SORCS1: variants seen among roughly 807,000 people sequenced by gnomAD.
SORCS1 encodes the protein VPS10 domain-containing receptor SorCS1.
A neutral mutation model predicts 146.1 loss-of-function variants in SORCS1; 60 were observed. That is an observed-to-expected ratio of 0.41 (90% confidence interval 0.33 to 0.51). The LOEUF (loss-of-function observed/expected upper bound fraction) is 0.51, where lower values mean the gene tolerates loss of function less well. Ranked by LOEUF, SORCS1 falls within the 20% of genes least tolerant of loss-of-function variation. SORCS1 has a pLI of 0.21. For synonymous variants in SORCS1, 637 were observed against 584.0 expected (o/e 1.09, Z -1.31); for missense variants, 1,352 against 1,487.6 (o/e 0.91, Z 1.50).
chr10:106,957,870 T>C (rs980770395), intron 1 of SORCS1, among the ~76,000 whole-genome samples: 2 of 152,136 alleles, frequency 1.3e-5, no homozygotes, highest in African/African-American at 4.8e-5. Context: ...ATTAAACATT[T>C]ATTAGGAGCC....
At chr10:106,664,820 T>TA (rs921622259) in intron 17 of SORCS1, among the ~76,000 whole-genome samples, 57 of 148,286 alleles carry the variant, frequency 3.8e-4, no homozygotes, top group East Asian at 1.4e-3. Context: ...TTGAGCTGGT[T>TA]AAAAAAAAAA....
chr10:106,636,705 AT>A (rs1158340778), intron 18 of SORCS1, among the ~76,000 whole-genome samples: 17 of 152,172 alleles, frequency 1.1e-4, no homozygotes, highest in Non-Finnish European at 2.9e-5. Flanking sequence ...TAGGGATTAC[AT>A]TTTAAGATGA....
At chr10:106,799,611 C>G (rs1338882246) in intron 3 of SORCS1, among the ~76,000 whole-genome samples, 1 of 152,154 alleles carries the variant, frequency 6.6e-6, no homozygotes, top group African/African-American at 2.4e-5. Flanking sequence ...ATTTATGCAG[C>G]CAACAGACAC....
intron 2 of SORCS1, among the ~76,000 whole-genome samples, chr10:106,942,875 G>A (rs2255609): frequency 0.71 from 107,474 of 151,998 alleles, 38,189 homozygotes; most frequent in East Asian, 0.81. Context: ...TTCTCCCTGG[G>A]AAATGTAAAC....
chr10:107,164,349 C>T lies in SORCS1; in HGVS notation c.178G>A (p.Gly60Arg), dbSNP rs1235760593. 1 of 1,525,570 alleles carries T rather than the reference C, an allele frequency of 6.6e-7. No individual in the cohort carries two copies. The highest frequency in any genetic ancestry group is 2.0e-5 in the Admixed American group (1 of 49,096). The allele number at this position is 1,525,570 out of a possible 1,614,324, so 94.5% of individuals were successfully genotyped here. ...GTGGCAGGAGCCCTGCCTGGCCGCC[C>T]CTGGTGGGAAAAGCCCCTAGGGGTC... The part of the protein sequence containing the change: ...ASTPRGFSHQ[G>R]RPGRAPATPL... The change falls in exon 1 of 26, where the codon GGG (glycine) becomes AGG (arginine). Residue 60 changes from glycine (G) to arginine (R), a missense_variant. Coordinates refer to ENST00000263054, the MANE Select transcript of SORCS1 (RefSeq NM_052918.5). The surrounding 1 kb of genome is among the most constrained non-coding windows in gnomAD (Gnocchi z 6.8).
intron 3 of SORCS1, among the ~76,000 whole-genome samples, chr10:106,795,150 A>G (rs1177569071): frequency 6.6e-6 from 1 of 152,232 alleles, no homozygotes; most frequent in African/African-American, 2.4e-5. Flanking sequence ...TAGTCATGTA[A>G]ATTTGGGGGA....
chr10:106,772,675 A>C (rs2136335231), intron 4 of SORCS1, among the ~76,000 whole-genome samples: 1 of 152,222 alleles, frequency 6.6e-6, no homozygotes, highest in African/African-American at 2.4e-5. Context: ...CCTGATTAAA[A>C]CCACCTTTTA....
intron 1 of SORCS1, among the ~76,000 whole-genome samples, chr10:107,082,984 C>T (rs1358689323): frequency 3.3e-5 from 5 of 151,812 alleles, no homozygotes; most frequent in South Asian, 4.2e-4. Context: ...TGGCGGGCAC[C>T]TGTAGTCCCA....
At chr10:106,615,140 G>A (rs995241166) in intron 21 of SORCS1, among the ~76,000 whole-genome samples, 1 of 152,076 alleles carries the variant, frequency 6.6e-6, no homozygotes. Context: ...TTTTCTTAGA[G>A]TATTCTGGAA....
chr10:107,047,896 T>C (rs528183791), intron 1 of SORCS1, among the ~76,000 whole-genome samples: 1 of 151,920 alleles, frequency 6.6e-6, no homozygotes, highest in Non-Finnish European at 1.5e-5. Flanking sequence ...GTCTGGGCAA[T>C]GTGGTGAAAC....
intron 1 of SORCS1, among the ~76,000 whole-genome samples, chr10:106,957,165 G>GTTTTTTTTTTTTGTTTT (rs374081494): frequency 3.6e-5 from 5 of 138,036 alleles, no homozygotes; most frequent in Admixed American, 2.2e-4. Flanking sequence ...GTTTTTTTTT[G>GTTTTTTTTTTTTGTTTT]TTTTTTTTGT....
intron 24 of SORCS1, among the ~76,000 whole-genome samples, chr10:106,593,173 G>C (rs369650573): frequency 4.7e-5 from 7 of 149,830 alleles, no homozygotes; most frequent in Admixed American, 2.0e-4. Flanking sequence ...AGTGTGTCTC[G>C]GCCCACCGAT....
intron 3 of SORCS1, among the ~76,000 whole-genome samples, chr10:106,808,886 A>T (rs1450575533): frequency 1.3e-5 from 2 of 152,174 alleles, no homozygotes; most frequent in Non-Finnish European, 2.9e-5. Flanking sequence ...CATCCCATTT[A>T]GAGATCTTTG....
chr10:106,632,696 C>T (rs1011501985), intron 18 of SORCS1, among the ~76,000 whole-genome samples: 1 of 152,248 alleles, frequency 6.6e-6, no homozygotes, highest in East Asian at 1.9e-4. Flanking sequence ...AGCTTACAGA[C>T]CACTAGTGAA....
chr10:106,645,360 T>A (rs1849352391), intron 18 of SORCS1, among the ~76,000 whole-genome samples: 1 of 152,234 alleles, frequency 6.6e-6, no homozygotes, highest in Non-Finnish European at 1.5e-5. Context: ...GTTTTTTGTT[T>A]GTTTGTATTT....
At position 106,579,243 on chromosome 10, in the gene SORCS1, G is replaced by A. The variant is rs193920991; in HGVS notation, c.3371+126C>T. Reference sequence around the variant, plus strand: ...CATCTGGGCATAAACATTAATCCCCGGGATCTTCCTAAAATATTAATAGAA... The same window carrying A: ...CATCTGGGCATAAACATTAATCCCCAGGATCTTCCTAAAATATTAATAGAA... On this transcript the variant is annotated intron_variant, in intron 25 of 25. Coordinates refer to ENST00000263054, the MANE Select transcript of SORCS1 (RefSeq NM_052918.5). The A allele has an allele frequency of 4.0e-5, 65 of 1,613,854 alleles. No homozygotes were observed. The highest frequency in any genetic ancestry group is 9.4e-5 in the African/African-American group (7 of 74,866).
At chr10:107,111,204 A>G (rs1289316859) in intron 1 of SORCS1, among the ~76,000 whole-genome samples, 1 of 152,222 alleles carries the variant, frequency 6.6e-6, no homozygotes, top group Non-Finnish European at 1.5e-5. Context: ...GAAACTATGA[A>G]CATTCTATAA....
intron 2 of SORCS1, among the ~76,000 whole-genome samples, chr10:106,868,768 A>T (rs1055187627): frequency 3.3e-5 from 5 of 152,204 alleles, no homozygotes; most frequent in African/African-American, 1.2e-4. Context: ...TTAACAATCT[A>T]ACATCACAAC....
intron 1 of SORCS1, among the ~76,000 whole-genome samples, chr10:106,987,972 A>G (rs1024746333): frequency 3.3e-5 from 5 of 152,226 alleles, no homozygotes; most frequent in Non-Finnish European, 7.3e-5. Context: ...AATTGATAAA[A>G]ACAGAAATAT....
Sources: allele counts gnomAD v4.1 joint callset (sites outside exome capture counted in the v4.1 genomes callset), GRCh38; gene constraint gnomAD v4.1.1; non-coding constraint Gnocchi (gnomAD v3.1); transcripts MANE v1.5; gene names NCBI Gene and HGNC (gene_info 2026-07-23, HGNC 2026-07-21).